BTBD8: variants seen among roughly 807,000 people sequenced by gnomAD.
BTBD8 encodes the protein BTB domain containing 8, also known as BTB/POZ domain-containing protein 8.
In BTBD8, 110 loss-of-function variants were observed where a neutral mutation model predicts 162.9. That is an observed-to-expected ratio of 0.68 (90% CI 0.58 to 0.79). BTBD8 has a LOEUF of 0.79. Among genes scored for constraint, BTBD8 ranks in the 30% least tolerant of loss-of-function variants. The pLI is 0.00. For missense variants in BTBD8, 1,905 were observed against 2,085.4 expected (o/e 0.91, Z 1.68); for synonymous variants, 667 against 716.1 (o/e 0.93, Z 1.10).
At chr1:92,097,678 T>C (rs1648488660) in intron 2 of BTBD8, among the ~76,000 whole-genome samples, 1 of 152,224 alleles carries the variant, frequency 6.6e-6, no homozygotes, top group Non-Finnish European at 1.5e-5. Flanking sequence ...CGACATGGTA[T>C]TTTCACAGTT....
chr1:92,180,858 C>T lies in BTBD8; in HGVS notation c.3175C>T (p.His1059Tyr), dbSNP rs545083953. 33 of 1,551,446 alleles carry T rather than the reference C, an allele frequency of 2.1e-5. No individual in the cohort carries two copies. Among genetic ancestry groups the T allele is most frequent in the Middle Eastern group, 3.3e-4 (2 of 5,990 alleles). Residue 1059 changes from histidine to tyrosine, a missense_variant, in exon 17 of 18, where the codon CAC becomes TAC. Physicochemically the swap from His to Tyr is moderately conservative, Grantham distance 83. This residue lies in a region of BTBD8 where 1,374 missense variants were observed against 1,442.7 expected (regional missense o/e 0.95). Transcript: ENST00000636805. Reference sequence around the variant, plus strand: ...TAAAAGTGAAACAAAATTTCCCAATCACAAAGAAACAGATGATTGCGATGC... The same window carrying T: ...TAAAAGTGAAACAAAATTTCCCAATTACAAAGAAACAGATGATTGCGATGC... ...LDKSETKFPN[H>Y]KETDDCDAAN...
chr1:92,115,291 C>A (rs1649004691), intron 4 of BTBD8: 1 of 458,846 alleles, frequency 2.2e-6, no homozygotes, highest in Non-Finnish European at 4.2e-6. Context: ...GATCCTGATT[C>A]CTCCCATGAT....
chr1:92,164,618 C>T (rs999022025), intron 9 of BTBD8, among the ~76,000 whole-genome samples: 10 of 149,802 alleles, frequency 6.7e-5, no homozygotes, highest in Non-Finnish European at 1.0e-4. Context: ...GACCCCGTTA[C>T]GGCGAGCTGA....
At chr1:92,136,955 C>A (rs1371692867) in intron 5 of BTBD8, among the ~76,000 whole-genome samples, 1 of 151,868 alleles carries the variant, frequency 6.6e-6, no homozygotes, top group African/African-American at 2.4e-5. Context: ...TTTTTTTTCA[C>A]CTTGGGTACA....
In BTBD8 at chr1:92,130,644, G is replaced by T. The variant is rs115577982; in HGVS notation, c.752+868G>T. 3.2e-3 allele frequency among the ~76,000 whole-genome samples: 482 copies of T among 151,382 alleles called. 3 individuals are homozygous for T. The highest frequency in any genetic ancestry group is 0.011 in the African/African-American group (463 of 41,158). On this transcript the variant is annotated intron_variant, in intron 5 of 17. Transcript: ENST00000636805. ...AAAGTATCTCCAGTTATCTCAAAAG[G>T]ATCTTAATTGTTTAAACTGTTAATA...
At chr1:92,154,764 G>A (rs2893203) in intron 9 of BTBD8, among the ~76,000 whole-genome samples, 4,493 of 152,124 alleles carry the variant, frequency 0.03, 137 homozygotes, top group Admixed American at 0.088. Context: ...GCTGTATGGA[G>A]GCTTTTTAAT....
intron 4 of BTBD8, among the ~76,000 whole-genome samples, chr1:92,118,803 C>CTTTTTTTTTTTTTTTTTTTTTTGTT (rs386367658): frequency 1.0e-5 from 1 of 95,282 alleles, no homozygotes; most frequent in Non-Finnish European, 1.9e-5. Context: ...TTCTTTCTTT[C>CTTTTTTTTTTTTTTTTTTTTTTGTT]TTTTTTTTTT....
At chr1:92,145,654 T>A (rs1649892041) in intron 7 of BTBD8, among the ~76,000 whole-genome samples, 1 of 152,202 alleles carries the variant, frequency 6.6e-6, no homozygotes. Context: ...TTATTTGTTT[T>A]CATTTATTAT....
chr1:92,117,384 G>A (rs1301621623), intron 4 of BTBD8, among the ~76,000 whole-genome samples: 1 of 151,448 alleles, frequency 6.6e-6, no homozygotes, highest in East Asian at 1.9e-4. Context: ...TTAAGTTATT[G>A]TGGATCAGCT....
At chr1:92,179,245 C>CAA (rs5776142) in intron 16 of BTBD8, among the ~76,000 whole-genome samples, 15 of 138,008 alleles carry the variant, frequency 1.1e-4, no homozygotes, top group African/African-American at 3.7e-4. Flanking sequence ...GACTCTATCT[C>CAA]AAAAAAAAAA....
chr1:92,107,967 A>G lies in BTBD8; in HGVS notation c.628A>G (p.Ile210Val). The change falls in exon 4 of 18, where the codon ATT becomes GTT. Residue 210 changes from isoleucine (I) to valine (V), a missense_variant. Transcript: ENST00000636805. ...YVKPCCPDID[I>V]FVDGKRFKAH... Reference sequence around the variant, plus strand: ...GAAACCTTGTTGCCCAGATATTGATATTTTTGTTGATGGAAAACGTTTTAA... The same window carrying G: ...GAAACCTTGTTGCCCAGATATTGATGTTTTTGTTGATGGAAAACGTTTTAA... The G allele has an allele frequency of 6.2e-7, 1 of 1,614,038 alleles. No homozygotes were observed. Among genetic ancestry groups the G allele is most frequent in the Non-Finnish European group, 8.5e-7 (1 of 1,179,944 alleles).
At chr1:92,175,339 C>T (rs879177393) in intron 13 of BTBD8, among the ~76,000 whole-genome samples, 3 of 151,722 alleles carry the variant, frequency 2.0e-5, no homozygotes, top group Non-Finnish European at 4.4e-5. Flanking sequence ...ATTAGCTGGG[C>T]ATGGTGGCGC....
intron 2 of BTBD8, among the ~76,000 whole-genome samples, chr1:92,096,964 C>T (rs1648470097): frequency 6.6e-6 from 1 of 152,192 alleles, no homozygotes. Context: ...CTTTCTATTT[C>T]ACTGAGAAAG....
At chr1:92,170,408 G>C (rs917267116) in intron 12 of BTBD8, among the ~76,000 whole-genome samples, 1 of 152,064 alleles carries the variant, frequency 6.6e-6, no homozygotes, top group African/African-American at 2.4e-5. Flanking sequence ...CATTTCGTAT[G>C]TCATAGTTGA....
At chr1:92,133,092 G>A (rs1440185591) in intron 5 of BTBD8, among the ~76,000 whole-genome samples, 1 of 152,072 alleles carries the variant, frequency 6.6e-6, no homozygotes, top group African/African-American at 2.4e-5. Context: ...CATCTTTTAG[G>A]AATTTGTATA....
intron 4 of BTBD8, chr1:92,114,867 C>A: frequency 6.0e-6 from 2 of 335,138 alleles, no homozygotes; most frequent in South Asian, 3.2e-5. Context: ...AATTCATTGT[C>A]ATGCTGGGAA....
In BTBD8 at chr1:92,184,069, T is replaced by C; in HGVS notation, c.5118T>C (p.Ser1706=). 6.4e-7 allele frequency: 1 copy of C among 1,551,700 alleles called. No individual in the cohort carries two copies. The highest frequency in any genetic ancestry group is 8.7e-7 in the Non-Finnish European group (1 of 1,146,902). ...QDWTLLKQLL[S]EQDSNLDVTN... ...GGACACTACTAAAGCAACTGCTCTC[T>C]GAACAGGATTCAAACTTAGATGTTA... The change falls in exon 18 of 18, where the codon TCT becomes TCC. Residue 1706 remains serine (S), a synonymous_variant. Transcript: ENST00000636805.
In BTBD8 at chr1:92,129,186, C is replaced by A. The variant is rs1319283574; in HGVS notation, c.663-501C>A. Among the ~76,000 whole-genome samples, 3 of 151,770 alleles carry A rather than the reference C, an allele frequency of 2.0e-5. No individual in the cohort carries two copies. In the East Asian group the frequency reaches 5.8e-4, roughly 29 times the overall value. ...AACCTTCAAAGAAAAAAAAAGACAG[C>A]AAGGGCATTGGAATTAATGTTTTAA... is the stretch of plus-strand genomic sequence containing the variant. On this transcript the variant is annotated intron_variant, in intron 4 of 17. Transcript: ENST00000636805.
chr1:92,121,777 A>T (rs1291609097), intron 4 of BTBD8, among the ~76,000 whole-genome samples: 2 of 151,630 alleles, frequency 1.3e-5, no homozygotes, highest in Non-Finnish European at 2.9e-5. Context: ...TCATGTGCTT[A>T]TTTGCCATCT....
Sources: gnomAD v4.1 joint callset for allele counts (sites outside exome capture counted in the v4.1 genomes callset) on GRCh38, gnomAD v4.1.1 for gene constraint, gnomAD v4.1.1 regional missense constraint, MANE v1.5 for transcripts, NCBI Gene and HGNC (gene_info 2026-07-23, HGNC 2026-07-21) for gene names.